GPR161: variants seen among roughly 807,000 people sequenced by gnomAD.
GPR161 encodes G protein-coupled receptor 161.
A neutral mutation model predicts 39.2 loss-of-function variants in GPR161; 25 were observed. The observed-to-expected ratio is 0.64, with a 90% CI of 0.47 to 0.89. GPR161 has a LOEUF of 0.89. Ranked by LOEUF, GPR161 falls within the 40% of genes least tolerant of loss-of-function variation. The pLI, the probability that GPR161 is intolerant of heterozygous loss-of-function variation, is 0.00. For synonymous variants in GPR161, 286 were observed against 276.6 expected (o/e 1.03, Z -0.34); for missense variants, 547 against 677.8 (o/e 0.81, Z 2.14).
At chr1:168,122,837 A>G (rs1269692309) in intron 1 of GPR161, among the ~76,000 whole-genome samples, 1 of 152,058 alleles carries the variant, frequency 6.6e-6, no homozygotes, top group Non-Finnish European at 1.5e-5. Flanking sequence ...TCCTTAGCAC[A>G]TGTGTGTGTT....
intron 1 of GPR161, among the ~76,000 whole-genome samples, chr1:168,122,558 T>G (rs1025584442): frequency 6.6e-6 from 1 of 152,104 alleles, no homozygotes; most frequent in Non-Finnish European, 1.5e-5. Context: ...GACCTGCAGC[T>G]CCCTCCAGGG....
At chr1:168,093,652 G>T (rs1695261052) in intron 3 of GPR161, among the ~76,000 whole-genome samples, 1 of 152,204 alleles carries the variant, frequency 6.6e-6, no homozygotes, top group Non-Finnish European at 1.5e-5. Flanking sequence ...CATACCTCTA[G>T]TTAACACTAA....
intron 1 of GPR161, chr1:168,136,384 T>C: frequency 7.0e-7 from 1 of 1,422,450 alleles, no homozygotes; most frequent in South Asian, 1.5e-5. Flanking sequence ...GGCACGCACC[T>C]ACGCCCTCCC....
At chr1:168,108,259 T>C (rs1696791441) in intron 1 of GPR161, among the ~76,000 whole-genome samples, 2 of 151,772 alleles carry the variant, frequency 1.3e-5, no homozygotes, top group East Asian at 3.9e-4. Flanking sequence ...CATGCTGTCC[T>C]CCATGAGGGA....
chr1:168,117,557 T>C (rs1454753201), intron 1 of GPR161, among the ~76,000 whole-genome samples: 1 of 152,168 alleles, frequency 6.6e-6, no homozygotes, highest in East Asian at 1.9e-4. Context: ...AGTATCTACC[T>C]CATAGGGTTG....
intron 1 of GPR161, chr1:168,136,097 T>C (rs1699337198): frequency 1.6e-6 from 2 of 1,260,394 alleles, no homozygotes; most frequent in South Asian, 3.0e-5. Flanking sequence ...GCTGGTCGAG[T>C]TCTCCCCTTT....
At position 168,084,630 on chromosome 1, in the gene GPR161, T is replaced by C. The variant is rs1694300120; in HGVS notation, c.*901A>G. The C allele has an allele frequency of 2.8e-6, 1 of 362,004 alleles. No homozygotes were observed. The highest frequency in any genetic ancestry group is 2.1e-5 in the African/African-American group (1 of 46,780). 22.4% of individuals were successfully genotyped at this position (362,004 alleles called of 1,614,324 possible). A position where few individuals can be genotyped will look rare whatever the true frequency, so the allele number is the denominator to read the frequency against. ...GCTATTTTCATTGGTCACTCAAACATCACACATAGAATCTATTTAATGAGG... is the reference window on the plus strand; with the variant it reads ...GCTATTTTCATTGGTCACTCAAACACCACACATAGAATCTATTTAATGAGG... On this transcript the variant is annotated 3_prime_UTR_variant, in exon 6 of 6. Coordinates refer to ENST00000682931, the MANE Select transcript of GPR161 (RefSeq NM_001375883.1).
At chr1:168,087,391 G>A (rs975575338) in intron 5 of GPR161, among the ~76,000 whole-genome samples, 194 bp downstream of exon 5, 2 of 152,008 alleles carry the variant, frequency 1.3e-5, no homozygotes, top group African/African-American at 2.4e-5. Flanking sequence ...CCCAGCCTTC[G>A]ATGCTGCTTG....
At chr1:168,129,109 G>A (rs762932945) in intron 1 of GPR161, among the ~76,000 whole-genome samples, 2 of 152,184 alleles carry the variant, frequency 1.3e-5, no homozygotes, top group Non-Finnish European at 2.9e-5. Flanking sequence ...CTGGGTAGTA[G>A]GTACTGTAAA....
At chr1:168,100,962 A>G (rs905973555) in intron 2 of GPR161, among the ~76,000 whole-genome samples, 1 of 152,202 alleles carries the variant, frequency 6.6e-6, no homozygotes, top group Non-Finnish European at 1.5e-5. Context: ...TGGTGTCCCC[A>G]GCACGCCCTA....
At position 168,084,913 on chromosome 1, in the gene GPR161, C is replaced by G; in HGVS notation, c.*618G>C. On this transcript the variant is annotated 3_prime_UTR_variant, in exon 6 of 6. Coordinates refer to ENST00000682931, the MANE Select transcript of GPR161 (RefSeq NM_001375883.1). ...CAGTCTGCAAGAGGCCTGTGGCTGT[C>G]CCTATTAGCACCAGCAGGTGGCGCC... 4.4e-6 allele frequency: 2 copies of G among 456,272 alleles called. No homozygotes were observed. The highest frequency in any genetic ancestry group is 8.8e-6 in the Non-Finnish European group (2 of 226,948). 28.3% of individuals were successfully genotyped at this position (456,272 alleles called of 1,614,324 possible). A position where few individuals can be genotyped will look rare whatever the true frequency, so the allele number is the denominator to read the frequency against.
intron 1 of GPR161, among the ~76,000 whole-genome samples, chr1:168,130,696 T>C (rs1258780072): frequency 1.3e-5 from 2 of 152,198 alleles, no homozygotes; most frequent in Non-Finnish European, 2.9e-5. Context: ...TCTCCATGTA[T>C]AGCCTAGAAA....
At chr1:168,108,659 A>T (rs1696869221) in intron 1 of GPR161, among the ~76,000 whole-genome samples, 1 of 151,932 alleles carries the variant, frequency 6.6e-6, no homozygotes, top group African/African-American at 2.4e-5. Context: ...TATAGTTTTG[A>T]TTTCTGAACC....
intron 1 of GPR161, among the ~76,000 whole-genome samples, chr1:168,120,508 A>G (rs1471930102): frequency 6.6e-6 from 1 of 152,214 alleles, no homozygotes; most frequent in Non-Finnish European, 1.5e-5. Context: ...GGAATAAGTT[A>G]AGACCATGGG....
intron 1 of GPR161, among the ~76,000 whole-genome samples, chr1:168,131,607 A>G (rs1698997798): frequency 6.6e-6 from 1 of 152,206 alleles, no homozygotes; most frequent in Admixed American, 6.5e-5. Context: ...AATGGAGAAA[A>G]GCAAAGAAAG....
At position 168,083,597 on chromosome 1, in the gene GPR161, G is replaced by A. The variant is rs775231266; in HGVS notation, c.*1934C>T. 12 of 152,320 alleles carry A rather than the reference G, an allele frequency of 7.9e-5. No homozygotes were observed. Among genetic ancestry groups the A allele is most frequent in the African/African-American group, 2.9e-4 (12 of 41,556 alleles). 9.4% of individuals were successfully genotyped at this position (152,320 alleles called of 1,614,324 possible). A position where few individuals can be genotyped will look rare whatever the true frequency, so the allele number is the denominator to read the frequency against. On this transcript the variant is annotated 3_prime_UTR_variant, in exon 6 of 6. Coordinates refer to ENST00000682931, the MANE Select transcript of GPR161 (RefSeq NM_001375883.1). ...TATACAGGGAATATATATAGAAAAC[G>A]TGAACCACACGCAGACGTAGGAATG...
chr1:168,111,476 C>A (rs1433340043), intron 1 of GPR161, among the ~76,000 whole-genome samples: 3 of 152,140 alleles, frequency 2.0e-5, no homozygotes, highest in Admixed American at 6.5e-5. Context: ...CACAAAGACA[C>A]AAGGAAGATA....
chr1:168,105,011 G>T, intron 1 of GPR161, 117 bp from the exon 2 acceptor site: 1 of 713,438 alleles, frequency 1.4e-6, no homozygotes, highest in Non-Finnish European at 2.3e-6. Flanking sequence ...CACCCAGCTA[G>T]TACAGACTCT....
At chr1:168,119,455 G>T (rs1351687460) in intron 1 of GPR161, among the ~76,000 whole-genome samples, 1 of 151,632 alleles carries the variant, frequency 6.6e-6, no homozygotes, top group Non-Finnish European at 1.5e-5. Flanking sequence ...ACCTACAGTA[G>T]TCAAAATCAG....
Sources: allele counts gnomAD v4.1 joint callset (sites outside exome capture counted in the v4.1 genomes callset), GRCh38; gene constraint gnomAD v4.1.1; transcripts MANE v1.5; gene names NCBI Gene and HGNC (gene_info 2026-07-23, HGNC 2026-07-21).